Variants in MYO10 observed in about 807,000 individuals in gnomAD.
MYO10 encodes the protein myosin X.
Under a neutral mutation model 257.3 loss-of-function variants are expected in MYO10, and 133 were observed. The observed-to-expected ratio is 0.52, with a 90% CI of 0.45 to 0.60. The LOEUF (loss-of-function observed/expected upper bound fraction) is 0.60. Among genes scored for constraint, MYO10 ranks in the 20% least tolerant of loss-of-function variants. The probability of loss-of-function intolerance (pLI) is 0.00; values close to 1 mark genes in which losing one functional copy is unlikely to be tolerated. For synonymous variants in MYO10, 1,104 were observed against 1,028.6 expected, an observed-to-expected ratio of 1.07 and a Z score of -1.40; for missense variants, 2,399 against 2,635.7, an observed-to-expected ratio of 0.91 and a Z score of 1.97.
At chr5:16,764,146 C>A (rs1449126933) in intron 12 of MYO10, 104 bp downstream of exon 12, 3 of 979,566 alleles carry the variant, frequency 3.1e-6, no homozygotes, top group African/African-American at 1.6e-5. Context: ...GACTCCTTCT[C>A]AAAAAAAAAA....
In MYO10 at chr5:16,912,802, G is replaced by GCGCA. The variant is rs374077433; in HGVS notation, c.21+22985_21+22986insTGCG. ...CCAGACTTCCTTCACCTACCACCCTGCACACACACACACACACACACACAC... is the reference window on the plus strand; with the variant it reads ...CCAGACTTCCTTCACCTACCACCCTGCGCACACACACACACACACACACACACAC... On this transcript the variant is annotated intron_variant, in intron 1 of 40. Transcript: ENST00000513610. 2.0e-3 allele frequency among the ~76,000 whole-genome samples: 224 copies of GCGCA among 111,644 alleles called. 3 individuals carry two copies. Among genetic ancestry groups the GCGCA allele is most frequent in the African/African-American group, 7.4e-3 (210 of 28,190 alleles). 73.2% of individuals were successfully genotyped at this position (111,644 alleles called of 152,430 possible).
At chr5:16,809,109 CAT>C (rs1245770306) in intron 3 of MYO10, among the ~76,000 whole-genome samples, 1 of 151,788 alleles carries the variant, frequency 6.6e-6, no homozygotes, top group Admixed American at 6.6e-5. Flanking sequence ...TTTTAAAATA[CAT>C]ATAGTCAGAC....
In MYO10 at chr5:16,796,246, CGAGA is replaced by C. The variant is rs59125385; in HGVS notation, c.280-1417_280-1414del. On this transcript the variant is annotated intron_variant, in intron 3 of 40. Transcript: ENST00000513610. Reference sequence around the variant, plus strand: ...GCGAGAAAGAGAAAGAGCGAGCGTGCGAGAGAGAGAGAGAGAGAAAGAAAGAAGG... The same window carrying C: ...GCGAGAAAGAGAAAGAGCGAGCGTGCGAGAGAGAGAGAGAAAGAAAGAAGG... Among the ~76,000 whole-genome samples, 37 of 117,198 alleles carry C rather than the reference CGAGA, an allele frequency of 3.2e-4. 1 individual carries two copies. Among genetic ancestry groups the C allele is most frequent in the South Asian group, 2.0e-3 (7 of 3,506 alleles). 76.9% of individuals were successfully genotyped at this position (117,198 alleles called of 152,430 possible).
chr5:16,684,316 C>T (rs930785997), intron 29 of MYO10, among the ~76,000 whole-genome samples: 2 of 152,168 alleles, frequency 1.3e-5, no homozygotes, highest in Middle Eastern at 3.2e-3. Flanking sequence ...GATCTCAGCT[C>T]AACGCAACCT....
At chr5:16,688,168 G>A (rs1345038959) in intron 28 of MYO10, among the ~76,000 whole-genome samples, 1 of 152,178 alleles carries the variant, frequency 6.6e-6, no homozygotes, top group Non-Finnish European at 1.5e-5. Flanking sequence ...GTGGTCTCCA[G>A]GAGTCCCAGA....
intron 1 of MYO10, among the ~76,000 whole-genome samples, chr5:16,926,481 C>G (rs1746135756): frequency 6.6e-6 from 1 of 152,080 alleles, no homozygotes; most frequent in African/African-American, 2.4e-5. Context: ...GCTAGTGGAT[C>G]AATTGAGGTC....
At chr5:16,696,720 G>A (rs1737762395) in intron 26 of MYO10, among the ~76,000 whole-genome samples, 1 of 152,098 alleles carries the variant, frequency 6.6e-6, no homozygotes, top group Admixed American at 6.5e-5. Flanking sequence ...GTCAGGCGTG[G>A]TGGCGCACGC....
intron 2 of MYO10, among the ~76,000 whole-genome samples, chr5:16,842,723 G>A (rs1283824721): frequency 6.6e-6 from 1 of 152,022 alleles, no homozygotes; most frequent in Non-Finnish European, 1.5e-5. Context: ...CCAGGAGTTT[G>A]ACACCAGCCA....
chr5:16,932,037 G>C (rs2126809336), intron 1 of MYO10, among the ~76,000 whole-genome samples: 1 of 152,294 alleles, frequency 6.6e-6, no homozygotes, highest in Non-Finnish European at 1.5e-5. Context: ...TTAAGTAGAA[G>C]AGGTTGGTGT....
intron 26 of MYO10, among the ~76,000 whole-genome samples, chr5:16,698,158 G>A (rs375560517): frequency 2.8e-3 from 421 of 152,180 alleles, no homozygotes; most frequent in African/African-American, 9.5e-3. Flanking sequence ...ACTGCTTGAG[G>A]CCAAGAGTTG....
At chr5:16,900,126 A>G (rs942509848) in intron 1 of MYO10, among the ~76,000 whole-genome samples, 1 of 152,186 alleles carries the variant, frequency 6.6e-6, no homozygotes. Flanking sequence ...TACAAAACTC[A>G]CAGCAATTTC....
chr5:16,842,850 C>T (rs1360940903), intron 2 of MYO10, among the ~76,000 whole-genome samples: 2 of 150,230 alleles, frequency 1.3e-5, no homozygotes, highest in African/African-American at 2.5e-5. Context: ...GCTATGATTG[C>T]ACCACTGCAC....
chr5:16,902,591 G>A lies in MYO10; in HGVS notation c.22-24884C>T, dbSNP rs202222314. The A allele has an allele frequency of 1.1e-3, 1,750 of 1,577,190 alleles. 19 individuals are homozygous for A. Among genetic ancestry groups the A allele is most frequent in the Middle Eastern group, 3.2e-3 (19 of 6,006 alleles). ...AGTTAGTGCAGCGAATAGGCTGCAC[G>A]TGGCCGCGGCCCTTTTTGGCACGAC... On this transcript the variant is annotated intron_variant, in intron 1 of 40. Transcript: ENST00000513610.
chr5:16,687,865 T>C (rs1357585796), intron 28 of MYO10, among the ~76,000 whole-genome samples: 2 of 152,224 alleles, frequency 1.3e-5, no homozygotes, highest in Non-Finnish European at 2.9e-5. Context: ...ATTCAAGTTG[T>C]AGGAATCACA....
At chr5:16,740,873 T>A (rs80250107) in intron 19 of MYO10, among the ~76,000 whole-genome samples, 4,320 of 150,716 alleles carry the variant, frequency 0.029, 187 homozygotes, top group African/African-American at 0.1. Context: ...AATTACTCTC[T>A]AAAATTGATG....
chr5:16,712,434 A>G (rs1399303199), intron 19 of MYO10, among the ~76,000 whole-genome samples: 2 of 152,224 alleles, frequency 1.3e-5, no homozygotes, highest in Non-Finnish European at 2.9e-5. Context: ...TTGTTTTTTC[A>G]GTCCACCCAC....
intron 3 of MYO10, among the ~76,000 whole-genome samples, chr5:16,816,826 C>T (rs866748616): frequency 3.3e-5 from 5 of 151,020 alleles, no homozygotes; most frequent in African/African-American, 9.7e-5. Flanking sequence ...CCGCACCTGG[C>T]CTTTTTTTTC....
intron 19 of MYO10, among the ~76,000 whole-genome samples, chr5:16,746,988 C>T (rs1740214745): frequency 6.6e-6 from 1 of 152,188 alleles, no homozygotes; most frequent in Non-Finnish European, 1.5e-5. Context: ...CACCCAGACT[C>T]CCTGCCCAAT....
intron 19 of MYO10, among the ~76,000 whole-genome samples, chr5:16,716,533 G>A (rs1738881395): frequency 1.2e-5 from 1 of 81,486 alleles, no homozygotes; most frequent in Admixed American, 1.2e-4. Context: ...TTTGGAAACA[G>A]CCATTTGCCT....
Sources: allele counts gnomAD v4.1 joint callset (sites outside exome capture counted in the v4.1 genomes callset), GRCh38; gene constraint gnomAD v4.1.1; transcripts MANE v1.5; gene names NCBI Gene and HGNC (gene_info 2026-07-23, HGNC 2026-07-21).